The following XKR4 variants were observed in gnomAD, a reference collection of about 807,000 sequenced individuals.
XKR4 encodes XK related 4.
XKR4 carries 12 observed loss-of-function variants against 53.9 expected under a neutral mutation model. That is an observed-to-expected ratio of 0.22 (90% CI 0.14 to 0.36). XKR4 has a LOEUF of 0.36. Ranked by LOEUF, XKR4 falls within the 10% of genes least tolerant of loss-of-function variation. The probability of loss-of-function intolerance (pLI) is 1.00; values close to 1 mark genes in which losing one functional copy is unlikely to be tolerated. For synonymous variants in XKR4, 354 were observed against 362.4 expected, an observed-to-expected ratio of 0.98 and a Z score of 0.26; for missense variants, 799 against 859.5, an observed-to-expected ratio of 0.93 and a Z score of 0.88.
chr8:55,161,084 T>C (rs79067981), intron 1 of XKR4, among the ~76,000 whole-genome samples: 4,608 of 152,246 alleles, frequency 0.03, 180 homozygotes, highest in East Asian at 0.12. Flanking sequence ...GGTGGTTATC[T>C]CTTCCATTGA....
At chr8:55,180,634 T>C (rs28580207) in intron 1 of XKR4, among the ~76,000 whole-genome samples, 2,875 of 152,224 alleles carry the variant, frequency 0.019, 104 homozygotes, top group African/African-American at 0.066. Context: ...CTGGTTCAAA[T>C]GATTCTCCTG....
chr8:55,199,410 T>C (rs539247255), intron 1 of XKR4, among the ~76,000 whole-genome samples: 2 of 152,358 alleles, frequency 1.3e-5, no homozygotes, highest in South Asian at 4.1e-4. Flanking sequence ...CATTTCCTTT[T>C]ATTTAAAGCA....
chr8:55,196,703 A>G (rs1817511468), intron 1 of XKR4, among the ~76,000 whole-genome samples: 1 of 152,258 alleles, frequency 6.6e-6, no homozygotes, highest in African/African-American at 2.4e-5. Context: ...AAGAATCCAA[A>G]AAAAGCACCA....
chr8:55,480,626 A>T (rs1806086501), intron 2 of XKR4, among the ~76,000 whole-genome samples: 1 of 152,084 alleles, frequency 6.6e-6, no homozygotes, highest in African/African-American at 2.4e-5. Context: ...CTGTTTGCAG[A>T]TGACATGATT....
chr8:55,346,654 A>G (rs961807533), intron 1 of XKR4, among the ~76,000 whole-genome samples: 6 of 151,564 alleles, frequency 4.0e-5, no homozygotes, highest in African/African-American at 1.5e-4. Flanking sequence ...AATTTTCTTA[A>G]GAGTAACAAA....
rs1055239774 is a variant in XKR4, at chr8:55,527,723, C to CAAATATAT, written c.*3503_*3504insTAAATATA. On this transcript the variant is annotated 3_prime_UTR_variant, in exon 3 of 3. Coordinates refer to ENST00000327381, the MANE Select transcript of XKR4 (RefSeq NM_052898.2). Reference sequence around the variant, plus strand: ...TTTGTGATAAACGCTGTTAACCCAACAAATATAATAAATTCTCTTACTGAC... The same window carrying CAAATATAT: ...TTTGTGATAAACGCTGTTAACCCAACAAATATATAAATATAATAAATTCTCTTACTGAC... The CAAATATAT allele has an allele frequency of 6.6e-6, 1 of 152,102 alleles. No homozygotes were observed. The highest frequency in any genetic ancestry group is 2.4e-5 in the African/African-American group (1 of 41,430). The allele number at this position is 152,102 out of a possible 1,614,324, so 9.4% of individuals were successfully genotyped here.
Position 55,525,376 on chromosome 8 carries a change from T to TC in XKR4, c.*1155dup, listed in dbSNP as rs1470721774. 1.3e-5 allele frequency: 2 copies of TC among 152,548 alleles called. No homozygotes were observed. Among genetic ancestry groups the TC allele is most frequent in the Non-Finnish European group, 2.9e-5 (2 of 68,040 alleles). The allele number at this position is 152,548 out of a possible 1,614,324, so 9.4% of individuals were successfully genotyped here. ...TTCTCCACTGTGTACAGACTTTTCC[T>TC]CCCCCCAATCCAAGGTCAAAGTGAT... is the stretch of plus-strand genomic sequence containing the variant. On this transcript the variant is annotated 3_prime_UTR_variant, in exon 3 of 3. Transcript: ENST00000327381.
intron 1 of XKR4, among the ~76,000 whole-genome samples, chr8:55,228,191 C>T (rs941686484): frequency 5.9e-5 from 9 of 152,154 alleles, no homozygotes; most frequent in African/African-American, 1.2e-4. Flanking sequence ...GGATTACAAG[C>T]GTGAGCCAGT....
At chr8:55,141,971 G>T (rs531281710) in intron 1 of XKR4, among the ~76,000 whole-genome samples, 2 of 151,982 alleles carry the variant, frequency 1.3e-5, no homozygotes, top group East Asian at 1.9e-4. Flanking sequence ...CCCAGGCCCC[G>T]CCTCTCTATT....
intron 1 of XKR4, among the ~76,000 whole-genome samples, chr8:55,174,549 A>T (rs934239232): frequency 2.1e-5 from 3 of 143,602 alleles, no homozygotes; most frequent in Admixed American, 1.4e-4. Flanking sequence ...TTTCTATTAT[A>T]AAAAAAAAAT....
chr8:55,164,604 G>A, intron 1 of XKR4: 2 of 333,166 alleles, frequency 6.0e-6, no homozygotes, highest in Non-Finnish European at 1.2e-5. Context: ...TGAGATGGCT[G>A]GACAGCAAGA....
chr8:55,514,248 C>CT (rs71256544), intron 2 of XKR4, among the ~76,000 whole-genome samples: 5,218 of 108,878 alleles, frequency 0.048, 183 homozygotes, highest in Non-Finnish European at 0.053. Flanking sequence ...TGCTGGGATT[C>CT]TTTTTTTTTT....
chr8:55,361,953 C>A (rs886441903), intron 2 of XKR4, among the ~76,000 whole-genome samples: 2 of 152,182 alleles, frequency 1.3e-5, no homozygotes, highest in Non-Finnish European at 2.9e-5. Context: ...TTTATTTCCA[C>A]ATTAGTATTT....
At chr8:55,414,557 T>G (rs1390451905) in intron 2 of XKR4, among the ~76,000 whole-genome samples, 1 of 149,872 alleles carries the variant, frequency 6.7e-6, no homozygotes, top group East Asian at 1.9e-4. Flanking sequence ...ATCTCTATGT[T>G]GAGATTATAT....
chr8:55,206,089 T>C (rs946337713), intron 1 of XKR4, among the ~76,000 whole-genome samples: 2 of 152,176 alleles, frequency 1.3e-5, no homozygotes, highest in Non-Finnish European at 2.9e-5. Flanking sequence ...CTGCAGACCT[T>C]CGCAGTTGAG....
At position 55,273,516 on chromosome 8, in the gene XKR4, T is replaced by C. The variant is rs552253638; in HGVS notation, c.807-84162T>C. ...GTTTAGGAGTCATGTAGCTTGAGTG[T>C]ACAAGATTCTGACCCTCCCTAAACT... On this transcript the variant is annotated intron_variant, in intron 1 of 2. Coordinates refer to ENST00000327381, the MANE Select transcript of XKR4 (RefSeq NM_052898.2). Among the ~76,000 whole-genome samples the C allele has an allele frequency of 3.3e-5, 5 of 152,328 alleles. No homozygotes were observed. The East Asian group carries it at 9.6e-4, about 29-fold the overall frequency.
At chr8:55,294,899 G>A (rs140766225) in intron 1 of XKR4, among the ~76,000 whole-genome samples, 14 of 152,164 alleles carry the variant, frequency 9.2e-5, no homozygotes, top group Middle Eastern at 6.8e-3. Context: ...TGCAAAACCT[G>A]TTGAAAATAT....
intron 2 of XKR4, among the ~76,000 whole-genome samples, chr8:55,511,421 C>T (rs974813671): frequency 1.3e-5 from 2 of 152,184 alleles, no homozygotes; most frequent in African/African-American, 2.4e-5. Context: ...TTTGGACAGG[C>T]ATTCCCTCTA....
At chr8:55,449,841 C>T in intron 2 of XKR4, 1 of 1,079,340 alleles carries the variant, frequency 9.3e-7, no homozygotes, top group East Asian at 2.4e-5. Flanking sequence ...GACCTGTTCT[C>T]ACTCTCAGCT....
Sources: allele counts gnomAD v4.1 joint callset (sites outside exome capture counted in the v4.1 genomes callset), GRCh38; gene constraint gnomAD v4.1.1; transcripts MANE v1.5; gene names NCBI Gene and HGNC (gene_info 2026-07-23, HGNC 2026-07-21).